Variants in NEURL1 observed in about 807,000 individuals in gnomAD.
NEURL1 encodes neuralized E3 ubiquitin protein ligase 1, also known as E3 ubiquitin-protein ligase NEURL1.
NEURL1 carries 26 observed loss-of-function variants against 41.2 expected under a neutral mutation model. The ratio of observed to expected loss-of-function variants is 0.63; its 90% CI spans 0.46 to 0.87. NEURL1 has a LOEUF of 0.87. NEURL1 is among the 40% of genes least tolerant of loss of function. The probability of loss-of-function intolerance (pLI) is 0.00; values close to 1 mark genes in which losing one functional copy is unlikely to be tolerated. For missense variants in NEURL1, 761 were observed against 871.1 expected, an observed-to-expected ratio of 0.87 and a Z score of 1.59; for synonymous variants, 400 against 402.3, an observed-to-expected ratio of 0.99 and a Z score of 0.07.
chr10:103,542,805 G>A (rs893915101), intron 1 of NEURL1, among the ~76,000 whole-genome samples: 2 of 152,206 alleles, frequency 1.3e-5, no homozygotes, highest in Admixed American at 6.5e-5. Context: ...CAGTTCGTGA[G>A]TGCTCGTAGG....
At position 103,573,654 on chromosome 10, in the gene NEURL1, ATAAT is replaced by A. The variant is rs548532624; in HGVS notation, c.649+1833_649+1836del. On this transcript the variant is annotated intron_variant, in intron 3 of 5. Coordinates refer to ENST00000369780, the MANE Select transcript of NEURL1 (RefSeq NM_004210.5). ...CCTGAGCCTCAGGCTTCCCACCTGT[ATAAT>A]GGTTGTGAAGGCTTTGACTTAGCCC... is the stretch of plus-strand genomic sequence containing the variant. Among the ~76,000 whole-genome samples, 615 of 152,214 alleles carry A rather than the reference ATAAT, an allele frequency of 4.0e-3. 4 individuals carry two copies. The highest frequency in any genetic ancestry group is 0.014 in the African/African-American group (589 of 41,548).
chr10:103,583,185 A>C (rs536089867), intron 3 of NEURL1, among the ~76,000 whole-genome samples: 1 of 152,218 alleles, frequency 6.6e-6, no homozygotes, highest in Non-Finnish European at 1.5e-5. Context: ...GAAGGAGCCC[A>C]GGAGTTAAAT....
chr10:103,581,253 A>C (rs750084932), intron 3 of NEURL1, among the ~76,000 whole-genome samples: 11 of 152,254 alleles, frequency 7.2e-5, no homozygotes, highest in Non-Finnish European at 1.5e-4. Flanking sequence ...TCAGACATTT[A>C]AACCTAGGCC....
chr10:103,529,951 G>A (rs887615012), intron 1 of NEURL1, among the ~76,000 whole-genome samples: 1 of 152,304 alleles, frequency 6.6e-6, no homozygotes, highest in Admixed American at 6.5e-5. Flanking sequence ...AGTCCACAGA[G>A]TAAAGTGAAA....
At chr10:103,520,927 A>G (rs1487549569) in intron 1 of NEURL1, among the ~76,000 whole-genome samples, 2 of 152,166 alleles carry the variant, frequency 1.3e-5, no homozygotes. Flanking sequence ...AACTAAACGG[A>G]AGACACAAGG....
chr10:103,583,206 T>G (rs1337563607), intron 3 of NEURL1, among the ~76,000 whole-genome samples: 1 of 152,028 alleles, frequency 6.6e-6, no homozygotes. Context: ...TTTTGAAAAT[T>G]TTGAAAAAAG....
Position 103,590,639 on chromosome 10 carries a change from T to C in NEURL1, c.*267T>C. 2.0e-6 allele frequency: 1 copy of C among 509,906 alleles called. No individual in the cohort carries two copies. The highest frequency in any genetic ancestry group is 3.5e-6 in the Non-Finnish European group (1 of 282,978). 31.6% of individuals were successfully genotyped at this position (509,906 alleles called of 1,614,324 possible). On this transcript the variant is annotated 3_prime_UTR_variant, in exon 6 of 6. Transcript: ENST00000369780. ...CCCGTCTCTGCACCCAGCTCCTCTCTGCATGCTGAGGGCTAAATTGGGATC... is the reference window on the plus strand; with the variant it reads ...CCCGTCTCTGCACCCAGCTCCTCTCCGCATGCTGAGGGCTAAATTGGGATC...
intron 1 of NEURL1, among the ~76,000 whole-genome samples, chr10:103,542,877 G>A (rs560817708): frequency 2.0e-5 from 3 of 152,128 alleles, no homozygotes; most frequent in South Asian, 2.1e-4. Flanking sequence ...TATTCAATTT[G>A]GAGGGAAAGC....
intron 1 of NEURL1, among the ~76,000 whole-genome samples, chr10:103,551,145 C>T (rs1358961435): frequency 6.6e-6 from 1 of 152,020 alleles, no homozygotes; most frequent in Non-Finnish European, 1.5e-5. Flanking sequence ...CCGTTTTACA[C>T]CCCTGGCTTC....
In NEURL1 at chr10:103,566,802, G is replaced by A. The variant is rs1042947302; in HGVS notation, c.86-4070G>A. Among the ~76,000 whole-genome samples the A allele has an allele frequency of 5.9e-5, 9 of 152,186 alleles. No individual in the cohort carries two copies. The highest frequency in any genetic ancestry group is 2.1e-4 in the South Asian group (1 of 4,820). ...CAACACTGGCTTTCCAGGTTGTGTC[G>A]TGTCCCAACAGGAATGTAGGAGGGC... On this transcript the variant is annotated intron_variant, in intron 1 of 5. Transcript: ENST00000369780. The surrounding 1 kb of genome is among the most constrained non-coding windows in gnomAD (Gnocchi z 4.2).
Position 103,590,703 on chromosome 10 carries a change from C to T in NEURL1, c.*331C>T, listed in dbSNP as rs572590655. On this transcript the variant is annotated 3_prime_UTR_variant, in exon 6 of 6. Transcript: ENST00000369780. ...ATCTTTCCCCATCTGAGGCAGGTTT[C>T]TAGGAGGTGTCTGTAGTCCATGTGG... The T allele has an allele frequency of 8.3e-6, 3 of 359,910 alleles. No individual in the cohort carries two copies. Among genetic ancestry groups the T allele is most frequent in the Admixed American group, 8.4e-5 (2 of 23,786 alleles). The allele number at this position is 359,910 out of a possible 1,614,324, so 22.3% of individuals were successfully genotyped here.
intron 4 of NEURL1, among the ~76,000 whole-genome samples, chr10:103,587,270 A>G (rs936709004): frequency 6.6e-6 from 1 of 152,228 alleles, no homozygotes; most frequent in African/African-American, 2.4e-5. Flanking sequence ...TTCTTCCCTC[A>G]GCACCATCTA....
chr10:103,535,258 T>C (rs1476266759), intron 1 of NEURL1, among the ~76,000 whole-genome samples: 1 of 152,078 alleles, frequency 6.6e-6, no homozygotes, highest in African/African-American at 2.4e-5. Flanking sequence ...GAGAGGGGTA[T>C]GTCAGCGGCT....
Position 103,508,260 on chromosome 10 carries a change from C to T in NEURL1, c.85+13788C>T, listed in dbSNP as rs1032370970. ...CTCCCATGACAGAATTCACAGCACA[C>T]TTTACAGAGGAGACACTGAGTCCGA... On this transcript the variant is annotated intron_variant, in intron 1 of 5. Transcript: ENST00000369780. The surrounding 1 kb of genome is among the most constrained non-coding windows in gnomAD (Gnocchi z 4.3). Among the ~76,000 whole-genome samples, 2 of 152,348 alleles carry T rather than the reference C, an allele frequency of 1.3e-5. No individual in the cohort carries two copies. The highest frequency in any genetic ancestry group is 6.5e-5 in the Admixed American group (1 of 15,304).
chr10:103,553,689 C>T (rs1041394478), intron 1 of NEURL1, among the ~76,000 whole-genome samples: 1 of 152,238 alleles, frequency 6.6e-6, no homozygotes, highest in African/African-American at 2.4e-5. Flanking sequence ...CAGTCCAGTC[C>T]CTTACAGGGC....
chr10:103,588,426 G>T (rs1407895888), intron 4 of NEURL1, among the ~76,000 whole-genome samples: 1 of 152,192 alleles, frequency 6.6e-6, no homozygotes, highest in East Asian at 1.9e-4. Context: ...TAGTGCATGT[G>T]TGTGTGTACT....
chr10:103,510,918 T>C (rs1021456037), intron 1 of NEURL1, among the ~76,000 whole-genome samples: 5 of 152,196 alleles, frequency 3.3e-5, no homozygotes, highest in African/African-American at 1.2e-4. Context: ...CTTGGCCTTA[T>C]TTCCTGGATG....
At chr10:103,511,007 G>C (rs898053007) in intron 1 of NEURL1, among the ~76,000 whole-genome samples, 6 of 152,200 alleles carry the variant, frequency 3.9e-5, no homozygotes, top group African/African-American at 1.4e-4. Flanking sequence ...TGAATGGGGG[G>C]GCTCCTGACT....
In NEURL1 at chr10:103,571,593, G is replaced by C; in HGVS notation, c.420G>C (p.Lys140Asn). 6.2e-7 allele frequency: 1 copy of C among 1,614,006 alleles called. No homozygotes were observed. The stretch of plus-strand genomic sequence containing the variant: ...GCATCCACCCTGACTCGCTGCCCAA[G>C]TACGCCTGCCCCGACCTGGTGTCCC... ...PSRIHPDSLPKYACPDLVSQS... is the reference protein window; with the variant it reads ...PSRIHPDSLPNYACPDLVSQS... Residue 140 changes from lysine (K) to asparagine (N), a missense_variant, in exon 3 of 6, where the codon AAG becomes AAC. Physicochemically the swap from Lys to Asn is moderately conservative, Grantham distance 94 (BLOSUM62 0). Coordinates refer to ENST00000369780, the MANE Select transcript of NEURL1 (RefSeq NM_004210.5).
Sources: allele counts gnomAD v4.1 joint callset (sites outside exome capture counted in the v4.1 genomes callset), GRCh38; gene constraint gnomAD v4.1.1; non-coding constraint Gnocchi (gnomAD v3.1); transcripts MANE v1.5; gene names NCBI Gene and HGNC (gene_info 2026-07-23, HGNC 2026-07-21).